Variants in COL4A6 observed in about 807,000 individuals in gnomAD.
The protein encoded by COL4A6 is collagen alpha-6(IV) chain.
A neutral mutation model predicts 126.7 loss-of-function variants in COL4A6; 59 were observed. That is an observed-to-expected ratio of 0.47 (90% CI 0.38 to 0.58). COL4A6 has a LOEUF of 0.58. Among genes scored for constraint, COL4A6 ranks in the 20% least tolerant of loss-of-function variants. The pLI is 0.00. For missense variants in COL4A6, 1,285 were observed against 1,337.3 expected (o/e 0.96, Z 0.61); for synonymous variants, 547 against 496.6 (o/e 1.10, Z -1.35).
chrX:108,328,575 G>GT (rs1442102588), intron 2 of COL4A6, among the ~76,000 whole-genome samples: 1 of 112,015 alleles, frequency 8.9e-6, no homozygotes, highest in Non-Finnish European at 1.9e-5. Flanking sequence ...AAATGATCCA[G>GT]TTTTTTCCAC....
intron 3 of COL4A6, among the ~76,000 whole-genome samples, chrX:108,245,665 G>C (rs990100240): frequency 4.5e-5 from 5 of 111,575 alleles, no homozygotes; most frequent in Non-Finnish European, 9.4e-5. Flanking sequence ...GCAGCAGTGA[G>C]CAAGCCTTAC....
At chrX:108,195,248 C>G (rs762913889) in intron 14 of COL4A6, 122 bp from the exon 15 acceptor site, 7 of 505,490 alleles carry the variant, frequency 1.4e-5, no homozygotes, top group Non-Finnish European at 2.3e-5. Context: ...ATCAGGTAAG[C>G]GAATGTTCCT....
At chrX:108,175,237 T>A (rs766682305) in intron 29 of COL4A6, 22 bp from the exon 30 acceptor site, 2 of 1,153,251 alleles carry the variant, frequency 1.7e-6, no homozygotes, top group South Asian at 4.3e-5. Flanking sequence ...GAGATCAGCA[T>A]GAGAAAGAGA....
intron 3 of COL4A6, among the ~76,000 whole-genome samples, chrX:108,249,384 G>A (rs2036794752): frequency 9.0e-6 from 1 of 111,006 alleles, no homozygotes; most frequent in African/African-American, 3.3e-5. Flanking sequence ...TATGAAGCAG[G>A]GAATCTTTAG....
chrX:108,163,153 C>A, intron 40 of COL4A6, 115 bp from the exon 41 acceptor site: 1 of 619,682 alleles, frequency 1.6e-6, no homozygotes, highest in Non-Finnish European at 2.5e-6. Flanking sequence ...TGTTTGTCCC[C>A]ACAGGATACC....
At chrX:108,205,367 G>T in intron 11 of COL4A6, 72 bp downstream of exon 11, 2 of 844,554 alleles carry the variant, frequency 2.4e-6, no homozygotes, top group Non-Finnish European at 1.8e-6. Flanking sequence ...ACACAAGCAG[G>T]CACATGTGTG....
chrX:108,223,926 A>G (rs2036090195), intron 3 of COL4A6, among the ~76,000 whole-genome samples: 1 of 111,415 alleles, frequency 9.0e-6, no homozygotes, highest in African/African-American at 3.3e-5. Context: ...CCCAAATCCA[A>G]GCCCTGACAA....
At chrX:108,383,618 A>T in intron 2 of COL4A6, 3 of 543,372 alleles carry the variant, frequency 5.5e-6, no homozygotes, top group Non-Finnish European at 9.4e-6. Flanking sequence ...GGATGCCCCA[A>T]AATGGGGCAC....
intron 3 of COL4A6, among the ~76,000 whole-genome samples, chrX:108,307,482 C>T (rs2038654475): frequency 8.9e-6 from 1 of 112,067 alleles, no homozygotes. Flanking sequence ...TAGCTTCATC[C>T]AAAAAGGGTT....
intron 2 of COL4A6, among the ~76,000 whole-genome samples, chrX:108,365,527 A>C (rs775910379): frequency 7.2e-5 from 8 of 111,787 alleles, no homozygotes; most frequent in Non-Finnish European, 1.5e-4. Flanking sequence ...AATTTCTTAA[A>C]CACAAAATCA....
chrX:108,204,008 T>C (rs933908950), intron 12 of COL4A6, among the ~76,000 whole-genome samples: 1 of 112,041 alleles, frequency 8.9e-6, no homozygotes, highest in Non-Finnish European at 1.9e-5. Context: ...AACACAACTA[T>C]TTAATGTTTA....
chrX:108,170,060 C>T (rs754935475), intron 35 of COL4A6, 44 bp from the exon 36 acceptor site: 9 of 1,057,292 alleles, frequency 8.5e-6, no homozygotes, highest in Middle Eastern at 2.5e-4. Flanking sequence ...AACTCTGAAT[C>T]ATGAAGCATC....
chrX:108,389,685 T>C (rs969124813), intron 2 of COL4A6, among the ~76,000 whole-genome samples: 5 of 111,651 alleles, frequency 4.5e-5, no homozygotes, highest in African/African-American at 1.6e-4. Context: ...TTTATCCAAT[T>C]TGTCAGTCTG....
chrX:108,317,834 T>C (rs2038921358), intron 2 of COL4A6, among the ~76,000 whole-genome samples: 1 of 112,047 alleles, frequency 8.9e-6, no homozygotes, highest in South Asian at 3.8e-4. Flanking sequence ...ACTGTAGCCT[T>C]GTAGTATAGT....
chrX:108,407,836 T>C (rs1327922352), intron 2 of COL4A6, among the ~76,000 whole-genome samples: 4 of 112,617 alleles, frequency 3.6e-5, no homozygotes, highest in Non-Finnish European at 7.5e-5. Context: ...CTGCTGCTGA[T>C]GGTGGTGGTG....
intron 5 of COL4A6, among the ~76,000 whole-genome samples, chrX:108,215,798 G>A (rs2035843579): frequency 9.0e-6 from 1 of 111,002 alleles, no homozygotes; most frequent in African/African-American, 3.3e-5. Context: ...CGGGTCTAGG[G>A]GTAGCTTTGA....
chrX:108,396,031 C>A (rs1355498288), intron 2 of COL4A6, among the ~76,000 whole-genome samples: 2 of 110,792 alleles, frequency 1.8e-5, no homozygotes, highest in African/African-American at 6.6e-5. Context: ...TCCTTTTTCA[C>A]GGTACCCTCC....
intron 2 of COL4A6, among the ~76,000 whole-genome samples, chrX:108,395,313 A>T (rs1400280470): frequency 1.8e-5 from 2 of 111,874 alleles, no homozygotes; most frequent in African/African-American, 6.5e-5. Flanking sequence ...AGTTGAAATA[A>T]CTTATCAGTT....
chrX:108,163,167 G>A, intron 40 of COL4A6, 129 bp from the exon 41 acceptor site: 1 of 546,159 alleles, frequency 1.8e-6, no homozygotes, highest in Non-Finnish European at 2.9e-6. Flanking sequence ...GGATACCCGG[G>A]TATCTCCAGG....
Sources: gnomAD v4.1 joint callset for allele counts (sites outside exome capture counted in the v4.1 genomes callset) on GRCh38, gnomAD v4.1.1 for gene constraint, MANE v1.5 for transcripts, NCBI Gene and HGNC (gene_info 2026-07-23, HGNC 2026-07-21) for gene names.